TANC2: variants seen among roughly 807,000 people sequenced by gnomAD.
TANC2 encodes protein TANC2.
TANC2 carries 26 observed loss-of-function variants against 210.5 expected under a neutral mutation model. That is an observed-to-expected ratio of 0.12 (90% confidence interval 0.09 to 0.17). The LOEUF (loss-of-function observed/expected upper bound fraction) is 0.17, where lower values mean the gene tolerates loss of function less well. Among genes scored for constraint, TANC2 ranks in the 10% least tolerant of loss-of-function variants. The pLI is 1.00. For synonymous variants in TANC2, 931 were observed against 967.1 expected (o/e 0.96, Z 0.69); for missense variants, 2,129 against 2,608.9 (o/e 0.82, Z 4.01).
chr17:63,183,010 C>G (rs963777523), intron 5 of TANC2, among the ~76,000 whole-genome samples: 58 of 152,206 alleles, frequency 3.8e-4, no homozygotes, highest in African/African-American at 1.4e-3. Context: ...TTATAAACAG[C>G]TCATTGGAGT....
At chr17:63,295,135 T>C (rs773267059) in intron 9 of TANC2, among the ~76,000 whole-genome samples, 3 of 152,188 alleles carry the variant, frequency 2.0e-5, no homozygotes, top group Non-Finnish European at 4.4e-5. Flanking sequence ...CATATTGATC[T>C]GATAAAAGCC....
intron 3 of TANC2, among the ~76,000 whole-genome samples, chr17:63,091,516 G>A (rs982219213): frequency 6.6e-6 from 1 of 152,132 alleles, no homozygotes; most frequent in Non-Finnish European, 1.5e-5. Flanking sequence ...AGATCAGATG[G>A]TTGTAGATGT....
intron 8 of TANC2, among the ~76,000 whole-genome samples, chr17:63,256,494 A>C (rs2043198839): frequency 6.6e-6 from 1 of 152,086 alleles, no homozygotes; most frequent in Non-Finnish European, 1.5e-5. Flanking sequence ...ATTCTTTAGT[A>C]CTTGGTCTGT....
At position 63,259,703 on chromosome 17, in the gene TANC2, A is replaced by G. The variant is rs570143817; in HGVS notation, c.1034-8045A>G. Reference sequence around the variant, plus strand: ...TCCTAGAACCTTGCTTTGAAATTATATACTGTGCCATTAATATTGCCATAA... The same window carrying G: ...TCCTAGAACCTTGCTTTGAAATTATGTACTGTGCCATTAATATTGCCATAA... On this transcript the variant is annotated intron_variant, in intron 8 of 27. Transcript: ENST00000689528. 6.6e-5 allele frequency among the ~76,000 whole-genome samples: 10 copies of G among 152,340 alleles called. No homozygotes were observed. In the South Asian group the frequency reaches 1.9e-3, roughly 28 times the overall value.
At chr17:63,160,402 A>C (rs2039986986) in intron 5 of TANC2, among the ~76,000 whole-genome samples, 1 of 152,140 alleles carries the variant, frequency 6.6e-6, no homozygotes, top group African/African-American at 2.4e-5. Flanking sequence ...AGTTTAAAAA[A>C]CTTAAGGTGA....
intron 2 of TANC2, among the ~76,000 whole-genome samples, chr17:63,013,304 C>T (rs773131397): frequency 8.6e-5 from 13 of 151,974 alleles, no homozygotes; most frequent in South Asian, 2.1e-4. Flanking sequence ...TATTTTACAA[C>T]GTTATTTATT....
chr17:63,226,000 T>C (rs928509890), intron 7 of TANC2, among the ~76,000 whole-genome samples: 1 of 152,230 alleles, frequency 6.6e-6, no homozygotes, highest in Non-Finnish European at 1.5e-5. Context: ...CTTGTAGGTA[T>C]CATAAAATAT....
intron 6 of TANC2, among the ~76,000 whole-genome samples, chr17:63,196,505 G>A (rs891116927): frequency 3.3e-5 from 5 of 152,110 alleles, no homozygotes; most frequent in African/African-American, 1.2e-4. Context: ...TTGAGATTCC[G>A]CATGTCACAG....
At chr17:63,297,922 GA>G (rs1266575546) in intron 9 of TANC2, among the ~76,000 whole-genome samples, 4 of 152,008 alleles carry the variant, frequency 2.6e-5, no homozygotes, top group Non-Finnish European at 2.9e-5. Flanking sequence ...ATTTTTCAAA[GA>G]AGATGTACAG....
At chr17:63,088,942 A>G (rs916331489) in intron 3 of TANC2, 4 of 151,780 alleles carry the variant, frequency 2.6e-5, no homozygotes, top group Non-Finnish European at 5.9e-5. Flanking sequence ...TAACATTAGC[A>G]CTCCTTTTGA....
At chr17:63,247,989 A>G (rs2042962078) in intron 8 of TANC2, among the ~76,000 whole-genome samples, 1 of 152,120 alleles carries the variant, frequency 6.6e-6, no homozygotes, top group African/African-American at 2.4e-5. Context: ...AACACTTAGT[A>G]GATTGTAGAT....
At chr17:63,340,221 C>T in exon 12 of TANC2, 1 of 1,613,960 alleles carries the variant, frequency 6.2e-7, no homozygotes, top group Non-Finnish European at 8.5e-7. Flanking sequence ...TCGGGAGCAG[C>T]TTCTTCGGGA....
chr17:63,090,693 C>T (rs532614253), intron 3 of TANC2, among the ~76,000 whole-genome samples: 97 of 152,244 alleles, frequency 6.4e-4, no homozygotes, highest in African/African-American at 2.2e-3. Context: ...TTTATAGCAG[C>T]ATGATTTATA....
chr17:63,418,505 T>C lies in TANC2; in HGVS notation c.4268+98T>C. 9.6e-7 allele frequency: 1 copy of C among 1,038,164 alleles called. No individual in the cohort carries two copies. The highest frequency in any genetic ancestry group is 1.4e-6 in the Non-Finnish European group (1 of 706,940). 64.3% of individuals were successfully genotyped at this position (1,038,164 alleles called of 1,614,324 possible). Reference sequence around the variant, plus strand: ...CCTGGGGCATATGTACCCAAATACATCTCTGTCCTTGAGAACTGTCAGGGC... The same window carrying C: ...CCTGGGGCATATGTACCCAAATACACCTCTGTCCTTGAGAACTGTCAGGGC... On this transcript the variant is annotated intron_variant, in intron 27 of 27. Transcript: ENST00000689528. The surrounding 1 kb of genome is among the most constrained non-coding windows in gnomAD (Gnocchi z 4.6).
intron 14 of TANC2, among the ~76,000 whole-genome samples, chr17:63,376,567 C>A (rs1180048283): frequency 1.3e-5 from 2 of 152,128 alleles, no homozygotes; most frequent in African/African-American, 4.8e-5. Flanking sequence ...TAGGAATCAT[C>A]AAATGGATTT....
At chr17:63,207,952 A>G (rs2041773560) in intron 7 of TANC2, among the ~76,000 whole-genome samples, 1 of 152,154 alleles carries the variant, frequency 6.6e-6, no homozygotes, top group African/African-American at 2.4e-5. Context: ...TTGTGATATT[A>G]ATTTGTGTTT....
chr17:63,393,455 G>A (rs1487479088), intron 17 of TANC2: 1 of 152,150 alleles, frequency 6.6e-6, no homozygotes, highest in African/African-American at 2.4e-5. Context: ...GTCCAAAAAG[G>A]CCTCCAATAC....
At chr17:63,270,597 A>G (rs747675502) in intron 9 of TANC2, among the ~76,000 whole-genome samples, 4 of 152,204 alleles carry the variant, frequency 2.6e-5, no homozygotes, top group Admixed American at 6.5e-5. Flanking sequence ...ATTAAGGTAT[A>G]TCTTTCCACT....
chr17:63,401,247 G>T (rs577060296), intron 19 of TANC2, among the ~76,000 whole-genome samples: 9 of 152,064 alleles, frequency 5.9e-5, no homozygotes, highest in Non-Finnish European at 1.0e-4. Context: ...AGTTGGTGGG[G>T]GCTCATATCT....
Sources: allele counts gnomAD v4.1 joint callset (sites outside exome capture counted in the v4.1 genomes callset), GRCh38; gene constraint gnomAD v4.1.1; non-coding constraint Gnocchi (gnomAD v3.1); transcripts MANE v1.5; gene names NCBI Gene and HGNC (gene_info 2026-07-23, HGNC 2026-07-21).